Variants in DHTKD1 observed in about 807,000 individuals in gnomAD.
DHTKD1 encodes dehydrogenase E1 and transketolase domain containing 1.
A neutral mutation model predicts 101.8 loss-of-function variants in DHTKD1; 78 were observed. The ratio of observed to expected loss-of-function variants is 0.77; its 90% CI spans 0.64 to 0.93. The LOEUF (loss-of-function observed/expected upper bound fraction) is 0.93, where lower values mean the gene tolerates loss of function less well. Ranked by LOEUF, DHTKD1 falls within the 40% of genes least tolerant of loss-of-function variation. The pLI is 0.00. For missense variants in DHTKD1, 1,223 were observed against 1,161.7 expected, an observed-to-expected ratio of 1.05 and a Z score of -0.77; for synonymous variants, 462 against 450.3, an observed-to-expected ratio of 1.03 and a Z score of -0.33.
At chr10:12,085,201 TC>T (rs1051692207) in intron 3 of DHTKD1, among the ~76,000 whole-genome samples, 3 of 151,916 alleles carry the variant, frequency 2.0e-5, no homozygotes, top group African/African-American at 7.3e-5. Flanking sequence ...TCCCAGCTAA[TC>T]AGGAGGCTGA....
intron 15 of DHTKD1, among the ~76,000 whole-genome samples, chr10:12,119,631 A>G (rs1449772873): frequency 2.0e-5 from 3 of 151,318 alleles, no homozygotes; most frequent in South Asian, 4.2e-4. Context: ...AAAAAAAAAA[A>G]AAAAGAAAGA....
intron 1 of DHTKD1, among the ~76,000 whole-genome samples, chr10:12,074,982 C>T (rs558834757): frequency 5.9e-5 from 9 of 151,986 alleles, no homozygotes; most frequent in African/African-American, 1.4e-4. Context: ...AAAAATTAGC[C>T]GGGTGTGGTC....
rs753560225 is a variant in DHTKD1 at position 12,120,786 on chromosome 10, G to A, written c.2659-1G>A. 1.9e-6 allele frequency: 3 copies of A among 1,613,826 alleles called. No individual in the cohort carries two copies. Among genetic ancestry groups the A allele is most frequent in the South Asian group, 1.1e-5 (1 of 91,078 alleles). ...TTATTTCTTCTCTGCTGCACTTATA[G>A]CTCCGTCTGGTGGGCCGGCCCCCTT... On this transcript the variant is annotated splice_acceptor_variant, in intron 16 of 16. Transcript: ENST00000263035. LOFTEE classifies it high-confidence loss of function.
At position 12,089,216 on chromosome 10, in the gene DHTKD1, C is replaced by A; in HGVS notation, c.948C>A (p.Asp316Glu). ...QSRQDGDYSP[D>E]NSAQPGDRVI... ...GCCAAGACGGCGATTACTCTCCAGA[C>A]AACTCAGCCCAGCCGGGGGACAGGG... Residue 316 changes from aspartate to glutamate, a missense_variant, in exon 5 of 17, where the codon GAC becomes GAA. Asp to Glu is a conservative substitution (Grantham distance 45). Transcript: ENST00000263035. 4 of 1,614,180 alleles carry A rather than the reference C, an allele frequency of 2.5e-6. No individual in the cohort carries two copies. The highest frequency in any genetic ancestry group is 3.4e-6 in the Non-Finnish European group (4 of 1,180,034).
intron 13 of DHTKD1, among the ~76,000 whole-genome samples, chr10:12,113,600 C>T (rs1833370068): frequency 6.6e-6 from 1 of 152,138 alleles, no homozygotes; most frequent in Non-Finnish European, 1.5e-5. Context: ...ATACTAGTGC[C>T]CTCCTGAGCA....
At chr10:12,080,023 G>C (rs1832789807) in intron 1 of DHTKD1, among the ~76,000 whole-genome samples, 1 of 152,192 alleles carries the variant, frequency 6.6e-6, no homozygotes, top group South Asian at 2.1e-4. Flanking sequence ...GCTCACGCCT[G>C]TAATCCCGGC....
chr10:12,096,195 A>G (rs1363164024), intron 7 of DHTKD1, among the ~76,000 whole-genome samples: 2 of 152,100 alleles, frequency 1.3e-5, no homozygotes, highest in African/African-American at 2.4e-5. Context: ...TAGATACTAG[A>G]AAATAAAATA....
intron 1 of DHTKD1, among the ~76,000 whole-genome samples, chr10:12,079,798 G>A (rs926318094): frequency 1.3e-5 from 2 of 152,168 alleles, no homozygotes; most frequent in Non-Finnish European, 2.9e-5. Context: ...ACTTGAATAA[G>A]GTTCAAAATA....
At chr10:12,079,889 C>T (rs1448141927) in intron 1 of DHTKD1, among the ~76,000 whole-genome samples, 1 of 152,170 alleles carries the variant, frequency 6.6e-6, no homozygotes, top group Non-Finnish European at 1.5e-5. Flanking sequence ...TTTATTTGAG[C>T]TATTATGGAT....
intron 1 of DHTKD1, among the ~76,000 whole-genome samples, chr10:12,080,172 C>T (rs1588603314): frequency 1.3e-5 from 2 of 151,766 alleles, no homozygotes; most frequent in Middle Eastern, 3.2e-3. Flanking sequence ...CGCCTGTAGG[C>T]GCCTGTAGTC....
chr10:12,082,030 G>C (rs2131352685), intron 2 of DHTKD1, among the ~76,000 whole-genome samples: 1 of 151,902 alleles, frequency 6.6e-6, no homozygotes, highest in East Asian at 1.9e-4. Flanking sequence ...TGGAGGTAGA[G>C]ATGGGAGGAT....
At position 12,107,899 on chromosome 10, in the gene DHTKD1, A is replaced by G. The variant is rs1833274297; in HGVS notation, c.2048-10A>G. The stretch of plus-strand genomic sequence containing the variant: ...GTAGAGCTCTTACTCCCCACGTGGT[A>G]CTTTTCCAGGAGAGGCCAAGTGGCT... On this transcript the variant is annotated splice_polypyrimidine_tract_variant and intron_variant, in intron 11 of 16. Coordinates refer to ENST00000263035, the MANE Select transcript of DHTKD1 (RefSeq NM_018706.7). This position sits in a 1 kb window ranked among gnomAD's most constrained non-coding sequence, Gnocchi z 4.1. 3.8e-6 allele frequency: 6 copies of G among 1,590,124 alleles called. No homozygotes were observed. In the South Asian group the frequency reaches 6.6e-5, roughly 18 times the overall value.
At chr10:12,073,660 C>T (rs117729988) in intron 1 of DHTKD1, among the ~76,000 whole-genome samples, 8 of 152,226 alleles carry the variant, frequency 5.3e-5, no homozygotes, top group Admixed American at 1.3e-4. Context: ...CTCTCAATTC[C>T]GAGTTTCAAA....
At chr10:12,102,875 C>T (rs965996866) in intron 10 of DHTKD1, among the ~76,000 whole-genome samples, 7 of 152,148 alleles carry the variant, frequency 4.6e-5, no homozygotes, top group African/African-American at 1.4e-4. Flanking sequence ...ATTATTTGGC[C>T]TCCCAGAGTG....
chr10:12,120,365 A>G (rs1039892554), intron 16 of DHTKD1, 98 bp downstream of exon 16: 69 of 1,080,048 alleles, frequency 6.4e-5, no homozygotes, highest in South Asian at 3.2e-4. Context: ...ACAGAGTCTC[A>G]CTCTGTTGCC....
intron 1 of DHTKD1, among the ~76,000 whole-genome samples, chr10:12,080,285 G>A (rs959093087): frequency 1.6e-5 from 2 of 123,670 alleles, no homozygotes; most frequent in African/African-American, 6.4e-5. Context: ...GGGCAACAGA[G>A]CAAGACTCCG....
chr10:12,099,151 C>A (rs566218293), intron 8 of DHTKD1, among the ~76,000 whole-genome samples: 1 of 150,710 alleles, frequency 6.6e-6, no homozygotes, highest in Non-Finnish European at 1.5e-5. Flanking sequence ...GCCTGGGTGA[C>A]AGAATAAGAT....
At position 12,073,909 on chromosome 10, in the gene DHTKD1, G is replaced by A. The variant is rs935724310; in HGVS notation, c.154+4722G>A. Among the ~76,000 whole-genome samples the A allele has an allele frequency of 3.9e-5, 6 of 152,284 alleles. 1 individual carries two copies. The highest frequency in any genetic ancestry group is 6.8e-3 in the Middle Eastern group (2 of 294). ...AAATAATAACAAATATTTCTTGAGC[G>A]TCTACCATGTGTTAGTCTTCTGAGC... On this transcript the variant is annotated intron_variant, in intron 1 of 16. Transcript: ENST00000263035.
intron 13 of DHTKD1, among the ~76,000 whole-genome samples, chr10:12,114,116 T>A (rs2131625048): frequency 6.6e-6 from 1 of 152,006 alleles, no homozygotes; most frequent in East Asian, 1.9e-4. Context: ...TATCATTTTA[T>A]CATTTAACAC....
Sources: gnomAD v4.1 joint callset for allele counts (sites outside exome capture counted in the v4.1 genomes callset) on GRCh38, gnomAD v4.1.1 for gene constraint, Gnocchi (gnomAD v3.1) non-coding constraint, MANE v1.5 for transcripts, NCBI Gene and HGNC (gene_info 2026-07-23, HGNC 2026-07-21) for gene names.